UGGT1: variants seen among roughly 807,000 people sequenced by gnomAD.
UGGT1 encodes UDP-glucose:glycoprotein glucosyltransferase 1.
A neutral mutation model predicts 203.9 loss-of-function variants in UGGT1; 107 were observed. That is an observed-to-expected ratio of 0.52 (90% CI 0.45 to 0.62). The LOEUF (loss-of-function observed/expected upper bound fraction) is 0.62. Ranked by LOEUF, UGGT1 falls within the 20% of genes least tolerant of loss-of-function variation. UGGT1 has a pLI of 0.00. For synonymous variants in UGGT1, 628 were observed against 653.5 expected (o/e 0.96, Z 0.59); for missense variants, 1,673 against 1,867.2 (o/e 0.90, Z 1.92).
At chr2:128,143,366 C>T (rs1689532003) in intron 17 of UGGT1, 141 bp downstream of exon 17, 2 of 994,692 alleles carry the variant, frequency 2.0e-6, no homozygotes, top group Non-Finnish European at 2.7e-6. Context: ...AACCAGATCA[C>T]TTTTCAGTGT....
At position 128,093,888 on chromosome 2, in the gene UGGT1, G is replaced by T. The variant is rs146658856; in HGVS notation, c.58+2473G>T. Among the ~76,000 whole-genome samples the T allele has an allele frequency of 2.6e-5, 4 of 152,320 alleles. No homozygotes were observed. In the East Asian group the frequency reaches 5.8e-4, roughly 22 times the overall value. ...CATCATGCTGTGCACTTTGGTAAAC[G>T]AAGTAGACATGGTTGCTCCCCTCAG... On this transcript the variant is annotated intron_variant, in intron 1 of 40. Transcript: ENST00000259253.
At chr2:128,162,507 T>C (rs1690577103) in intron 25 of UGGT1, among the ~76,000 whole-genome samples, 1 of 152,154 alleles carries the variant, frequency 6.6e-6, no homozygotes, top group Non-Finnish European at 1.5e-5. Flanking sequence ...GAGCATGTTT[T>C]AGAGAAGTGT....
At chr2:128,128,608 A>G (rs371570530) in intron 12 of UGGT1, among the ~76,000 whole-genome samples, 40 of 152,236 alleles carry the variant, frequency 2.6e-4, no homozygotes, top group East Asian at 1.2e-3. Context: ...CACCGCGCCC[A>G]GCCCTTCATC....
intron 18 of UGGT1, among the ~76,000 whole-genome samples, chr2:128,146,257 G>A (rs1689684377): frequency 6.6e-6 from 1 of 152,080 alleles, no homozygotes; most frequent in Non-Finnish European, 1.5e-5. Flanking sequence ...GTTGCAGTGA[G>A]CTGTGATTAC....
intron 15 of UGGT1, among the ~76,000 whole-genome samples, chr2:128,137,186 GT>G (rs1372623544): frequency 1.3e-5 from 2 of 152,212 alleles, no homozygotes; most frequent in Non-Finnish European, 2.9e-5. Flanking sequence ...GGAGGCCAAG[GT>G]GGGAGGATCG....
At position 128,186,712 on chromosome 2, in the gene UGGT1, G is replaced by A. The variant is rs768819311; in HGVS notation, c.4389G>A (p.Val1463=). The change falls in exon 39 of 41, where the codon GTG becomes GTA. Residue 1463 remains valine, a synonymous_variant. Transcript: ENST00000259253. ...QDLPNNMIHQ[V]PIKSLPQEWL... ...TGCCCAATAACATGATTCATCAGGTGCCAATTAAATCCCTCCCTCAAGAAT... is the reference window on the plus strand; with the variant it reads ...TGCCCAATAACATGATTCATCAGGTACCAATTAAATCCCTCCCTCAAGAAT... 1 of 1,613,426 alleles carries A rather than the reference G, an allele frequency of 6.2e-7. No individual in the cohort carries two copies. Among genetic ancestry groups the A allele is most frequent in the Non-Finnish European group, 8.5e-7 (1 of 1,179,716 alleles).
intron 2 of UGGT1, among the ~76,000 whole-genome samples, chr2:128,100,194 G>A (rs1359489873): frequency 2.0e-5 from 3 of 151,682 alleles, no homozygotes; most frequent in African/African-American, 4.8e-5. Flanking sequence ...GTGCCAGCAT[G>A]CCTGGCTAAT....
intron 9 of UGGT1, among the ~76,000 whole-genome samples, chr2:128,120,939 C>T (rs992426938): frequency 2.6e-5 from 4 of 152,018 alleles, no homozygotes; most frequent in Non-Finnish European, 5.9e-5. Context: ...CTGATTTAGC[C>T]TGTGCTACAT....
At position 128,097,475 on chromosome 2, in the gene UGGT1, G is replaced by A; in HGVS notation, c.105G>A (p.Trp35Ter). ...MGVLVVLTVLWLFSSVKADSK... is the reference protein window; with the variant it reads ...MGVLVVLTVL The stretch of plus-strand genomic sequence containing the variant: ...TTCTGGTTGTACTCACTGTTCTGTG[G>A]CTGTTCTCCTCAGTAAAGGCCGACT... Residue 35 changes from tryptophan (W) to a stop codon, truncating the protein, a stop_gained, in exon 2 of 41, where the codon TGG (tryptophan) becomes TGA (stop). Coordinates refer to ENST00000259253, the MANE Select transcript of UGGT1 (RefSeq NM_020120.4). LOFTEE classifies it high-confidence loss of function. 1 of 1,614,144 alleles carries A rather than the reference G, an allele frequency of 6.2e-7. No homozygotes were observed.
chr2:128,136,258 G>C (rs1364004801), intron 15 of UGGT1, among the ~76,000 whole-genome samples: 1 of 152,152 alleles, frequency 6.6e-6, no homozygotes, highest in African/African-American at 2.4e-5. Flanking sequence ...ATTAAGATTT[G>C]TTATTTGTGT....
Position 128,171,348 on chromosome 2 carries a change from A to C in UGGT1, c.3104+64A>C, listed in dbSNP as rs1691093362. On this transcript the variant is annotated intron_variant, in intron 28 of 40. Transcript: ENST00000259253. ...TACTGAATCCAAGTTCTGATATTGC[A>C]TGTTAGAGGATCAGATGGATTTATA... 3.5e-6 allele frequency: 5 copies of C among 1,424,010 alleles called. No homozygotes were observed. The South Asian group carries it at 4.9e-5, about 14-fold the overall frequency. The allele number at this position is 1,424,010 out of a possible 1,614,324, so 88.2% of individuals were successfully genotyped here. A position where few individuals can be genotyped will look rare whatever the true frequency, so the allele number is the denominator to read the frequency against.
In UGGT1 at chr2:128,161,365, C is replaced by A. The variant is rs150931940; in HGVS notation, c.2825+97C>A. On this transcript the variant is annotated intron_variant, in intron 25 of 40. Coordinates refer to ENST00000259253, the MANE Select transcript of UGGT1 (RefSeq NM_020120.4). ...ATGTTGTTACTCATACTACATATCC[C>A]AAGGAGTTTTATTTCCAGTTTAAAA... is the stretch of plus-strand genomic sequence containing the variant. The A allele has an allele frequency of 4.6e-4, 647 of 1,394,928 alleles. 4 individuals are homozygous for A. The East Asian group carries it at 0.012, about 27-fold the overall frequency. 86.4% of individuals were successfully genotyped at this position (1,394,928 alleles called of 1,614,324 possible). A position where few individuals can be genotyped will look rare whatever the true frequency, so the allele number is the denominator to read the frequency against.
At chr2:128,145,715 A>G in intron 17 of UGGT1, 88 bp from the exon 18 acceptor site, 1 of 1,159,130 alleles carries the variant, frequency 8.6e-7, no homozygotes, top group Non-Finnish European at 1.2e-6. Flanking sequence ...GATTGTTGTT[A>G]GAACAGGCAT....
At position 128,182,255 on chromosome 2, in the gene UGGT1, G is replaced by C; in HGVS notation, c.4209G>C (p.Trp1403Cys). 6.2e-7 allele frequency: 1 copy of C among 1,613,866 alleles called. No individual in the cohort carries two copies. The highest frequency in any genetic ancestry group is 8.5e-7 in the Non-Finnish European group (1 of 1,179,920). ...DGYRFWKSGYWASHLAGRKYH... is the reference protein window; with the variant it reads ...DGYRFWKSGYCASHLAGRKYH... Reference sequence around the variant, plus strand: ...ACAGGTTCTGGAAGTCAGGGTACTGGGCCAGTCATTTAGCCGGGCGAAAGT... The same window carrying C: ...ACAGGTTCTGGAAGTCAGGGTACTGCGCCAGTCATTTAGCCGGGCGAAAGT... The change falls in exon 37 of 41, where the codon TGG (tryptophan) becomes TGC (cysteine). Residue 1403 changes from tryptophan (W) to cysteine (C), a missense_variant. Trp to Cys is a radical substitution (Grantham distance 215). Around this residue, in one of 4 missense-constraint regions of UGGT1, gnomAD observed 513 missense variants for 684.1 expected, o/e 0.75. Transcript: ENST00000259253.
At chr2:128,104,239 T>G (rs1350130688) in intron 3 of UGGT1, among the ~76,000 whole-genome samples, 1 of 152,234 alleles carries the variant, frequency 6.6e-6, no homozygotes, top group Non-Finnish European at 1.5e-5. Flanking sequence ...TTTCCCCTCT[T>G]GTTTTTGTTC....
rs1212155341 is a variant in UGGT1 at position 128,121,304 on chromosome 2, G to GT, written c.1073+7dup. ...AATTTTCCTACCAAAGCCAGGTAAT[G>GT]TAGAATAATGCTCTTCTCCTTAACA... On this transcript the variant is annotated splice_region_variant and intron_variant, in intron 10 of 40. Transcript: ENST00000259253. 3 of 1,597,364 alleles carry GT rather than the reference G, an allele frequency of 1.9e-6. No individual in the cohort carries two copies. The East Asian group carries it at 6.7e-5, about 36-fold the overall frequency.
chr2:128,192,127 GTGTGC>G lies in UGGT1; in HGVS notation c.*2391_*2395del, dbSNP rs1291458827. 1 of 152,184 alleles carries G rather than the reference GTGTGC, an allele frequency of 6.6e-6. No homozygotes were observed. The highest frequency in any genetic ancestry group is 2.4e-5 in the African/African-American group (1 of 41,420). The allele number at this position is 152,184 out of a possible 1,614,324, so 9.4% of individuals were successfully genotyped here. A position where few individuals can be genotyped will look rare whatever the true frequency, so the allele number is the denominator to read the frequency against. On this transcript the variant is annotated 3_prime_UTR_variant, in exon 41 of 41. Transcript: ENST00000259253. ...AAGACAAGAGTAGACCATATTCTCT[GTGTGC>G]TGTGCATGTCCTGGTGTCACTCATT...
rs773220829 is a variant in UGGT1, at chr2:128,176,865, C to T, written c.3591C>T (p.Leu1197=). The change falls in exon 32 of 41, where the codon CTC becomes CTT. Residue 1197 remains leucine (L), a synonymous_variant. Transcript: ENST00000259253. The part of the protein sequence containing the change: ...PPDADEVVIV[L]NNFKSKIIKV... ...ATGCTGATGAGGTGGTTATCGTCCT[C>T]AACAACTTCAAAAGCAAAATTATTA... The T allele has an allele frequency of 1.2e-6, 2 of 1,614,118 alleles. No individual in the cohort carries two copies. The highest frequency in any genetic ancestry group is 2.2e-5 in the South Asian group (2 of 91,076).
chr2:128,138,200 C>T (rs1689225967), intron 15 of UGGT1, among the ~76,000 whole-genome samples: 2 of 152,236 alleles, frequency 1.3e-5, no homozygotes, highest in South Asian at 4.1e-4. Context: ...GCCTAAGCCA[C>T]GTTTGAGAGC....
Sources: gnomAD v4.1 joint callset for allele counts (sites outside exome capture counted in the v4.1 genomes callset) on GRCh38, gnomAD v4.1.1 for gene constraint, gnomAD v4.1.1 regional missense constraint, MANE v1.5 for transcripts, NCBI Gene and HGNC (gene_info 2026-07-23, HGNC 2026-07-21) for gene names.